CMIP: variants seen among roughly 807,000 people sequenced by gnomAD.
The protein encoded by CMIP is C-Maf-inducing protein.
A neutral mutation model predicts 97.3 loss-of-function variants in CMIP; 13 were observed. The ratio of observed to expected loss-of-function variants is 0.13; its 90% CI spans 0.09 to 0.21. The LOEUF is 0.21. Ranked by LOEUF, CMIP falls within the 10% of genes least tolerant of loss-of-function variation. The pLI is 1.00. For synonymous variants in CMIP, 538 were observed against 436.3 expected (o/e 1.23, Z -2.91); for missense variants, 847 against 1,024.9 (o/e 0.83, Z 2.37).
chr16:81,699,546 G>T, intron 14 of CMIP, 139 bp from the exon 15 acceptor site: 1 of 608,436 alleles, frequency 1.6e-6, no homozygotes, highest in Non-Finnish European at 3.0e-6. Flanking sequence ...CCTGGGGCCT[G>T]GTGATCCTAG....
At chr16:81,607,749 GC>G in intron 2 of CMIP, 57 bp downstream of exon 2, 1 of 1,586,986 alleles carries the variant, frequency 6.3e-7, no homozygotes, top group South Asian at 1.1e-5. Flanking sequence ...ATGCACTTGT[GC>G]CCCTCGTTTC....
chr16:81,545,100 G>A (rs1238445100), intron 1 of CMIP, among the ~76,000 whole-genome samples: 5 of 152,128 alleles, frequency 3.3e-5, no homozygotes, highest in Admixed American at 3.3e-4. Flanking sequence ...GAAGATGCCA[G>A]GCCCACAGCC....
At chr16:81,478,007 G>A (rs1908033115) in intron 1 of CMIP, among the ~76,000 whole-genome samples, 1 of 152,224 alleles carries the variant, frequency 6.6e-6, no homozygotes, top group South Asian at 2.1e-4. Context: ...ATGTAAGTGG[G>A]AGCCATGAAT....
chr16:81,576,211 C>G (rs2091186291), intron 1 of CMIP, among the ~76,000 whole-genome samples: 1 of 152,128 alleles, frequency 6.6e-6, no homozygotes, highest in Non-Finnish European at 1.5e-5. Flanking sequence ...CGAGACTACC[C>G]TGGCCAACAT....
At chr16:81,592,712 C>G (rs1477644833) in intron 1 of CMIP, among the ~76,000 whole-genome samples, 1 of 152,220 alleles carries the variant, frequency 6.6e-6, no homozygotes, top group East Asian at 1.9e-4. Context: ...CTTGATGGAC[C>G]CGAACCTCCT....
At chr16:81,509,810 G>T (rs148723363) in intron 1 of CMIP, among the ~76,000 whole-genome samples, 38 of 152,314 alleles carry the variant, frequency 2.5e-4, no homozygotes, top group Non-Finnish European at 5.3e-4. Context: ...CCCTCAGCTT[G>T]CTGTCTTCCT....
At chr16:81,593,962 A>C (rs1195335973) in intron 1 of CMIP, among the ~76,000 whole-genome samples, 64 of 98,624 alleles carry the variant, frequency 6.5e-4, no homozygotes, top group Admixed American at 7.2e-4. Flanking sequence ...CCCCTACCAT[A>C]CCTTTCCTCC....
chr16:81,677,587 T>G (rs1904401884), intron 9 of CMIP, among the ~76,000 whole-genome samples: 1 of 152,192 alleles, frequency 6.6e-6, no homozygotes, highest in South Asian at 2.1e-4. Flanking sequence ...GAGGCCTAAT[T>G]TCATCTTGTT....
intron 1 of CMIP, among the ~76,000 whole-genome samples, chr16:81,601,741 TC>T (rs1380149027): frequency 2.0e-5 from 3 of 151,842 alleles, no homozygotes; most frequent in Admixed American, 2.0e-4. Context: ...GAAGGCAGCG[TC>T]CCCCGGGGCC....
At chr16:81,608,583 T>C (rs1457487087) in intron 2 of CMIP, among the ~76,000 whole-genome samples, 3 of 151,972 alleles carry the variant, frequency 2.0e-5, no homozygotes, top group Admixed American at 2.0e-4. Flanking sequence ...CTCCCCCGGA[T>C]TACCCGCCCA....
At chr16:81,596,809 T>C (rs1346567304) in intron 1 of CMIP, among the ~76,000 whole-genome samples, 2 of 152,146 alleles carry the variant, frequency 1.3e-5, no homozygotes, top group African/African-American at 4.8e-5. Flanking sequence ...TACCAGACAA[T>C]TGGTCACCCC....
chr16:81,546,093 T>C (rs990033889), intron 1 of CMIP, among the ~76,000 whole-genome samples: 1 of 152,180 alleles, frequency 6.6e-6, no homozygotes, highest in African/African-American at 2.4e-5. Flanking sequence ...ATTTGATTTA[T>C]AATAGACTCT....
intron 1 of CMIP, among the ~76,000 whole-genome samples, chr16:81,542,292 G>A (rs927480094): frequency 6.6e-6 from 1 of 152,204 alleles, no homozygotes; most frequent in Non-Finnish European, 1.5e-5. Flanking sequence ...GAATTAAAAT[G>A]GGGGCCAACT....
intron 1 of CMIP, among the ~76,000 whole-genome samples, chr16:81,580,265 C>T (rs994182417): frequency 1.3e-5 from 2 of 152,252 alleles, no homozygotes; most frequent in South Asian, 2.1e-4. Flanking sequence ...ATCAGAGAAG[C>T]GAGGTGCCCT....
chr16:81,571,661 A>G (rs1397265935), intron 1 of CMIP, among the ~76,000 whole-genome samples: 1 of 152,040 alleles, frequency 6.6e-6, no homozygotes. Flanking sequence ...GCAGGCTCAC[A>G]GGGGATCTTG....
chr16:81,447,426 A>T (rs1905927831), intron 1 of CMIP, among the ~76,000 whole-genome samples: 1 of 151,938 alleles, frequency 6.6e-6, no homozygotes, highest in South Asian at 2.1e-4. Context: ...CTCGAGGCTA[A>T]TGCCTCCCCA....
At chr16:81,617,989 C>A (rs1230277326) in intron 2 of CMIP, among the ~76,000 whole-genome samples, 1 of 152,210 alleles carries the variant, frequency 6.6e-6, no homozygotes, top group Non-Finnish European at 1.5e-5. Context: ...GCCGTTCCGT[C>A]CAGCCGGTGG....
intron 3 of CMIP, among the ~76,000 whole-genome samples, chr16:81,632,347 G>C (rs1476049375): frequency 6.6e-6 from 1 of 152,204 alleles, no homozygotes; most frequent in Non-Finnish European, 1.5e-5. Flanking sequence ...GCAGCTGCAC[G>C]GGGCTTCTCA....
intron 9 of CMIP, among the ~76,000 whole-genome samples, chr16:81,673,114 A>C (rs1242316182): frequency 2.0e-5 from 3 of 152,232 alleles, no homozygotes; most frequent in African/African-American, 7.2e-5. Flanking sequence ...TGGAGCCTCC[A>C]AAAGGAAACT....
Sources: gnomAD v4.1 joint callset for allele counts (sites outside exome capture counted in the v4.1 genomes callset) on GRCh38, gnomAD v4.1.1 for gene constraint, MANE v1.5 for transcripts, NCBI Gene and HGNC (gene_info 2026-07-23, HGNC 2026-07-21) for gene names.